Variants in DNAAF9 observed in about 807,000 individuals in gnomAD.
DNAAF9 encodes the protein dynein axonemal assembly factor 9, also known as shulin.
DNAAF9 carries 90 observed loss-of-function variants against 167.0 expected under a neutral mutation model. That is an observed-to-expected ratio of 0.54 (90% CI 0.45 to 0.64). The LOEUF is 0.64. Ranked by LOEUF, DNAAF9 falls within the 30% of genes least tolerant of loss-of-function variation. DNAAF9 has a pLI of 0.00. For synonymous variants in DNAAF9, 491 were observed against 508.8 expected, an observed-to-expected ratio of 0.96 and a Z score of 0.47; for missense variants, 1,315 against 1,442.2, an observed-to-expected ratio of 0.91 and a Z score of 1.43.
chr20:3,322,574 C>CTCATG, intron 15 of DNAAF9, 78 bp downstream of exon 15: 1 of 1,133,380 alleles, frequency 8.8e-7, no homozygotes, highest in Non-Finnish European at 1.3e-6. Context: ...GAGAAAACCA[C>CTCATG]TCATGTCAGC....
intron 1 of DNAAF9, among the ~76,000 whole-genome samples, chr20:3,404,610 G>C (rs2084031576): frequency 6.6e-6 from 1 of 152,094 alleles, no homozygotes; most frequent in Non-Finnish European, 1.5e-5. Context: ...TCTATATTAT[G>C]ATTTCTACTG....
intron 13 of DNAAF9, among the ~76,000 whole-genome samples, chr20:3,325,905 A>G (rs1242944455): frequency 6.6e-6 from 1 of 152,128 alleles, no homozygotes; most frequent in African/African-American, 2.4e-5. Flanking sequence ...TAGCTTTTAA[A>G]AGACTTTTGT....
intron 20 of DNAAF9, among the ~76,000 whole-genome samples, chr20:3,307,854 C>G (rs2123003033): frequency 6.6e-6 from 1 of 151,912 alleles, no homozygotes; most frequent in South Asian, 2.1e-4. Flanking sequence ...CTTCCAACAG[C>G]CCAGTCTATG....
intron 29 of DNAAF9, among the ~76,000 whole-genome samples, chr20:3,271,614 ATTTACTT>A (rs2068593776): frequency 6.9e-6 from 1 of 145,170 alleles, no homozygotes; most frequent in Non-Finnish European, 1.5e-5. Context: ...AATAATTTTT[ATTTACTT>A]CTTCTTTTTT....
rs184390946 is a variant in DNAAF9, at chr20:3,365,635, G to A, written c.613-6042C>T. Among the ~76,000 whole-genome samples the A allele has an allele frequency of 1.2e-3, 189 of 151,974 alleles. 4 individuals are homozygous for A. The South Asian group carries it at 0.025, about 20-fold the overall frequency. On this transcript the variant is annotated intron_variant, in intron 6 of 36. Transcript: ENST00000252032. ...TTGAACTTCTGACCTCAGGTGATCC[G>A]CCCACCTTGGCCTCCCAAAGTGCTG...
chr20:3,347,204 C>G (rs1160262233), intron 8 of DNAAF9, among the ~76,000 whole-genome samples: 1 of 152,084 alleles, frequency 6.6e-6, no homozygotes, highest in Non-Finnish European at 1.5e-5. Flanking sequence ...AAGGACTTCT[C>G]ATCAGAAATA....
intron 10 of DNAAF9, 70 bp downstream of exon 10, chr20:3,340,434 C>CGGGGGGGGGGGGGG: frequency 5.4e-6 from 1 of 184,748 alleles, no homozygotes. Flanking sequence ...TTGTCTAGCT[C>CGGGGGGGGGGGGGG]CCCCCACCCA....
chr20:3,354,738 A>G (rs912144748), intron 7 of DNAAF9, among the ~76,000 whole-genome samples: 4 of 152,126 alleles, frequency 2.6e-5, no homozygotes, highest in African/African-American at 9.7e-5. Context: ...TTGTCACCTT[A>G]CTTTATTATT....
At chr20:3,365,642 T>C (rs2083424056) in intron 6 of DNAAF9, among the ~76,000 whole-genome samples, 1 of 152,208 alleles carries the variant, frequency 6.6e-6, no homozygotes. Flanking sequence ...TCCGCCCACC[T>C]TGGCCTCCCA....
rs114947093 is a variant in DNAAF9, at chr20:3,308,746, G to T, written c.1679-4203C>A. 4.9e-3 allele frequency among the ~76,000 whole-genome samples: 743 copies of T among 151,988 alleles called. 5 individuals carry two copies. Among genetic ancestry groups the T allele is most frequent in the African/African-American group, 0.017 (708 of 41,482 alleles). ...AATCCCAGCACTTTGGGAGACTGAG[G>T]TGGGAGCTTCACGTGAGGCCTGGAG... On this transcript the variant is annotated intron_variant, in intron 20 of 36. Coordinates refer to ENST00000252032, the MANE Select transcript of DNAAF9 (RefSeq NM_001009984.3).
intron 7 of DNAAF9, among the ~76,000 whole-genome samples, chr20:3,353,043 T>A (rs1041776085): frequency 6.7e-6 from 1 of 149,322 alleles, no homozygotes; most frequent in Non-Finnish European, 1.5e-5. Context: ...ATCCTCAATA[T>A]GTAAATATAT....
intron 31 of DNAAF9, among the ~76,000 whole-genome samples, chr20:3,263,436 C>T (rs2068429890): frequency 6.6e-6 from 1 of 152,140 alleles, no homozygotes. Context: ...AAACCTTCAA[C>T]AGAGCAGAAA....
intron 20 of DNAAF9, among the ~76,000 whole-genome samples, chr20:3,313,098 G>A (rs757517300): frequency 1.3e-5 from 2 of 152,154 alleles, no homozygotes; most frequent in South Asian, 2.1e-4. Context: ...CAAATATCCC[G>A]GCTAAATATT....
intron 21 of DNAAF9, among the ~76,000 whole-genome samples, chr20:3,300,014 T>C (rs886992450): frequency 6.6e-6 from 1 of 152,114 alleles, no homozygotes; most frequent in East Asian, 1.9e-4. Context: ...GTGATTCTTG[T>C]GCCTCAGCCT....
chr20:3,344,483 C>T (rs1317377353), intron 8 of DNAAF9, among the ~76,000 whole-genome samples: 2 of 151,966 alleles, frequency 1.3e-5, no homozygotes, highest in East Asian at 1.9e-4. Flanking sequence ...CTCTATGGTA[C>T]ATCATAGATA....
intron 4 of DNAAF9, 141 bp from the exon 5 acceptor site, chr20:3,375,267 A>G (rs1350824734): frequency 1.8e-5 from 11 of 600,618 alleles, no homozygotes; most frequent in Non-Finnish European, 2.9e-5. Flanking sequence ...TCCAAAGCCA[A>G]CCTTTTTCAT....
chr20:3,315,646 T>C lies in DNAAF9; in HGVS notation c.1590+89A>G. 1.0e-6 allele frequency: 1 copy of C among 981,560 alleles called. No individual in the cohort carries two copies. The highest frequency in any genetic ancestry group is 1.7e-6 in the Non-Finnish European group (1 of 604,860). The allele number at this position is 981,560 out of a possible 1,614,324, so 60.8% of individuals were successfully genotyped here. Reference sequence around the variant, plus strand: ...ACATAGTGCAAGTCTTTTAGATTAGTAGTGAGATGAAGCATTTTAATACCT... The same window carrying C: ...ACATAGTGCAAGTCTTTTAGATTAGCAGTGAGATGAAGCATTTTAATACCT... On this transcript the variant is annotated intron_variant, in intron 19 of 36. Transcript: ENST00000252032. This position sits in a 1 kb window ranked among gnomAD's most constrained non-coding sequence, Gnocchi z 4.1.
intron 14 of DNAAF9, among the ~76,000 whole-genome samples, chr20:3,323,467 A>C (rs1029782670): frequency 6.6e-6 from 1 of 151,870 alleles, no homozygotes; most frequent in Admixed American, 6.6e-5. Context: ...TTTTTAATGA[A>C]GGCGGGGTTT....
intron 26 of DNAAF9, among the ~76,000 whole-genome samples, chr20:3,289,193 T>A (rs1397398763): frequency 6.6e-6 from 1 of 152,176 alleles, no homozygotes; most frequent in South Asian, 2.1e-4. Context: ...AAAGCTTTTT[T>A]AAAAATTAGT....
Sources: gnomAD v4.1 joint callset for allele counts (sites outside exome capture counted in the v4.1 genomes callset) on GRCh38, gnomAD v4.1.1 for gene constraint, Gnocchi (gnomAD v3.1) non-coding constraint, MANE v1.5 for transcripts, NCBI Gene and HGNC (gene_info 2026-07-23, HGNC 2026-07-21) for gene names.